NAXD: variants seen among roughly 807,000 people sequenced by gnomAD.
NAXD encodes ATP-dependent (S)-NAD(P)H-hydrate dehydratase.
Under a neutral mutation model 35.8 loss-of-function variants are expected in NAXD, and 22 were observed. The observed-to-expected ratio is 0.62, with a 90% CI of 0.44 to 0.88. The LOEUF (loss-of-function observed/expected upper bound fraction) is 0.88, where lower values mean the gene tolerates loss of function less well. Among genes scored for constraint, NAXD ranks in the 40% least tolerant of loss-of-function variants. NAXD has a pLI of 0.00. For synonymous variants in NAXD, 189 were observed against 177.6 expected (o/e 1.06, Z -0.51); for missense variants, 428 against 437.7 (o/e 0.98, Z 0.20).
chr13:110,632,421 A>G (rs1369889566), intron 5 of NAXD, among the ~76,000 whole-genome samples: 1 of 152,212 alleles, frequency 6.6e-6, no homozygotes, highest in Admixed American at 6.5e-5. Context: ...GCGGGTTACC[A>G]ATGCTGGCTC....
At chr13:110,620,188 C>T (rs1886205659) in intron 1 of NAXD, among the ~76,000 whole-genome samples, 1 of 152,118 alleles carries the variant, frequency 6.6e-6, no homozygotes. Context: ...CATTGGTCCC[C>T]TGCAGGTAGC....
rs745448119 is a variant in NAXD, at chr13:110,634,789, A to AC, written c.597+18dup. On this transcript the variant is annotated intron_variant, in intron 7 of 9. Transcript: ENST00000680254. ...GTATGACGCTGTGGTGAGTCAGTGG[A>AC]CCCCCTGGAGGGTAGATGCAAGCCC... 9 of 1,599,872 alleles carry AC rather than the reference A, an allele frequency of 5.6e-6. No individual in the cohort carries two copies. Among genetic ancestry groups the AC allele is most frequent in the Non-Finnish European group, 7.7e-6 (9 of 1,168,016 alleles).
rs1254469169 is a variant in NAXD at position 110,638,443 on chromosome 13, C to G, written c.905C>G (p.Ala302Gly). 2 of 1,613,546 alleles carry G rather than the reference C, an allele frequency of 1.2e-6. No individual in the cohort carries two copies. Among genetic ancestry groups the G allele is most frequent in the Admixed American group, 1.7e-5 (1 of 60,002 alleles). The stretch of plus-strand genomic sequence containing the variant: ...CTCACCAGGCAGTGCAACCACCAAG[C>G]CTTCCAGAAGCACGGTCGCTCCACC... ...CSLTRQCNHQAFQKHGRSTTT... is the reference protein window; with the variant it reads ...CSLTRQCNHQGFQKHGRSTTT... Residue 302 changes from alanine to glycine, a missense_variant, in exon 10 of 10, where the codon GCC (alanine) becomes GGC (glycine). Ala to Gly is a moderately conservative substitution (Grantham distance 60). Around this residue, in one of 3 missense-constraint regions of NAXD, gnomAD observed 209 missense variants for 214.6 expected, o/e 0.97. Coordinates refer to ENST00000680254, the MANE Select transcript of NAXD (RefSeq NM_001242882.2). This position sits in a 1 kb window ranked among gnomAD's most constrained non-coding sequence, Gnocchi z 5.4.
Position 110,634,777 on chromosome 13 carries a change from G to A in NAXD, c.597+1G>A. On this transcript the variant is annotated splice_donor_variant, in intron 7 of 9. Transcript: ENST00000680254. LOFTEE classifies it high-confidence loss of function. ...GTTCAGCAGACTGTATGACGCTGTG[G>A]TGAGTCAGTGGACCCCCTGGAGGGT... The A allele has an allele frequency of 6.2e-7, 1 of 1,609,432 alleles. No individual in the cohort carries two copies. The highest frequency in any genetic ancestry group is 8.5e-7 in the Non-Finnish European group (1 of 1,176,074).
rs760498841 is a variant in NAXD at position 110,638,666 on chromosome 13, T to C, written c.*138T>C. ...AACTTGAGCATAAATTGGTTGCCAT[T>C]GAGAATTTAAGAATCTGGAATATTG... On this transcript the variant is annotated 3_prime_UTR_variant, in exon 10 of 10. Coordinates refer to ENST00000680254, the MANE Select transcript of NAXD (RefSeq NM_001242882.2). The surrounding 1 kb of genome is among the most constrained non-coding windows in gnomAD (Gnocchi z 5.4). 34 of 1,013,266 alleles carry C rather than the reference T, an allele frequency of 3.4e-5. No individual in the cohort carries two copies. The East Asian group carries it at 8.5e-4, about 25-fold the overall frequency. The allele number at this position is 1,013,266 out of a possible 1,614,324, so 62.8% of individuals were successfully genotyped here. A position where few individuals can be genotyped will look rare whatever the true frequency, so the allele number is the denominator to read the frequency against.
At position 110,634,766 on chromosome 13, in the gene NAXD, A is replaced by G. The variant is rs1449763749; in HGVS notation, c.587A>G (p.Tyr196Cys). The G allele has an allele frequency of 6.2e-7, 1 of 1,613,490 alleles. No individual in the cohort carries two copies. Among genetic ancestry groups the G allele is most frequent in the South Asian group, 1.1e-5 (1 of 91,036 alleles). Residue 196 changes from tyrosine to cysteine, a missense_variant, in exon 7 of 10, where the codon TAT (tyrosine) becomes TGT (cysteine). Coordinates refer to ENST00000680254, the MANE Select transcript of NAXD (RefSeq NM_001242882.2). ...TPNHVEFSRL[Y>C]DAVLRGPMDS... ...AACCACGTGGAGTTCAGCAGACTGT[A>G]TGACGCTGTGGTGAGTCAGTGGACC...
intron 4 of NAXD, among the ~76,000 whole-genome samples, chr13:110,626,374 T>C (rs1478456391): frequency 6.6e-6 from 1 of 152,064 alleles, no homozygotes; most frequent in East Asian, 1.9e-4. Flanking sequence ...TCACTCCATG[T>C]GGTGGAAACG....
At chr13:110,620,319 C>T (rs1208878206) in intron 1 of NAXD, among the ~76,000 whole-genome samples, 1 of 151,852 alleles carries the variant, frequency 6.6e-6, no homozygotes, top group Non-Finnish European at 1.5e-5. Context: ...CGGTGGCTCA[C>T]ACCTGTAATC....
chr13:110,634,452 T>G (rs1886838493), intron 5 of NAXD, 93 bp from the exon 6 acceptor site: 1 of 1,331,514 alleles, frequency 7.5e-7, no homozygotes, highest in African/African-American at 1.4e-5. Flanking sequence ...GACCCTTCCC[T>G]TGGCAATTAA....
rs1237585569 is a variant in NAXD, at chr13:110,638,851, C to T, written c.*323C>T. 6 of 454,142 alleles carry T rather than the reference C, an allele frequency of 1.3e-5. No individual in the cohort carries two copies. The highest frequency in any genetic ancestry group is 8.0e-5 in the African/African-American group (4 of 50,302). The allele number at this position is 454,142 out of a possible 1,614,324, so 28.1% of individuals were successfully genotyped here. On this transcript the variant is annotated 3_prime_UTR_variant, in exon 10 of 10. Transcript: ENST00000680254. This position sits in a 1 kb window ranked among gnomAD's most constrained non-coding sequence, Gnocchi z 5.4. ...TCTTTAGCAGCTCAACAGAGTTTCT[C>T]GGCCTGCTCCCAGATCGGCGAAGTT...
chr13:110,635,366 A>G, intron 7 of NAXD, 102 bp from the exon 8 acceptor site: 1 of 1,392,638 alleles, frequency 7.2e-7, no homozygotes, highest in Non-Finnish European at 9.9e-7. Flanking sequence ...TGATCCCTTT[A>G]GACACGAGAG....
In NAXD at chr13:110,622,360, G is replaced by C; in HGVS notation, c.191G>C (p.Cys64Ser). ...QDGRIGVVGGCQEYTGAPYFA... is the reference protein window; with the variant it reads ...QDGRIGVVGGSQEYTGAPYFA... Reference sequence around the variant, plus strand: ...GGAAGAATAGGCGTAGTTGGAGGCTGTCAGGAGTAAGTAGCTGATGTGCAG... The same window carrying C: ...GGAAGAATAGGCGTAGTTGGAGGCTCTCAGGAGTAAGTAGCTGATGTGCAG... The change falls in exon 2 of 10, where the codon TGT becomes TCT. Residue 64 changes from cysteine (C) to serine (S), a missense_variant. Physicochemically the swap from Cys to Ser is moderately radical, Grantham distance 112. Coordinates refer to ENST00000680254, the MANE Select transcript of NAXD (RefSeq NM_001242882.2). 1 of 1,614,120 alleles carries C rather than the reference G, an allele frequency of 6.2e-7. No individual in the cohort carries two copies. Among genetic ancestry groups the C allele is most frequent in the Non-Finnish European group, 8.5e-7 (1 of 1,179,982 alleles).
intron 2 of NAXD, 32 bp from the exon 3 acceptor site, chr13:110,624,202 G>T: frequency 6.8e-7 from 1 of 1,465,410 alleles, no homozygotes. Flanking sequence ...CTTATTCTCA[G>T]AAGTTTTTGA....
Position 110,627,499 on chromosome 13 carries a change from C to T in NAXD, c.393C>T (p.Val131=), listed in dbSNP as rs757530909. ...GGCTGCCCCGGCTGCATGCTCTTGT[C>T]GTAGGACCTGGCTTGGGTAGAGATG... ...EKWLPRLHAL[V]VGPGLGRDDA... is the part of the protein sequence containing the mutation. The change falls in exon 5 of 10, where the codon GTC becomes GTT. Residue 131 remains valine, a synonymous_variant. Coordinates refer to ENST00000680254, the MANE Select transcript of NAXD (RefSeq NM_001242882.2). 39 of 1,613,960 alleles carry T rather than the reference C, an allele frequency of 2.4e-5. No individual in the cohort carries two copies. Among genetic ancestry groups the T allele is most frequent in the Non-Finnish European group, 3.1e-5 (36 of 1,179,996 alleles).
rs527988471 is a variant in NAXD at position 110,625,225 on chromosome 13, G to T, written c.279G>T (p.Ala93=). 1 of 1,613,954 alleles carries T rather than the reference G, an allele frequency of 6.2e-7. No homozygotes were observed. ...ADLSHVFCAS[A]AAPVIKAYSP... is the part of the protein sequence containing the mutation. Reference sequence around the variant, plus strand: ...TGTCCCACGTGTTCTGTGCCAGTGCGGCCGCACCTGTGATTAAGGCCTACA... The same window carrying T: ...TGTCCCACGTGTTCTGTGCCAGTGCTGCCGCACCTGTGATTAAGGCCTACA... The change falls in exon 4 of 10, where the codon GCG becomes GCT. Residue 93 remains alanine (A), a synonymous_variant. Transcript: ENST00000680254.
chr13:110,623,606 C>CTGCG (rs1200881287), intron 2 of NAXD, among the ~76,000 whole-genome samples: 7 of 152,248 alleles, frequency 4.6e-5, no homozygotes, highest in African/African-American at 7.2e-5. Flanking sequence ...AGGCAGAAGC[C>CTGCG]TGCGGTCAGC....
At chr13:110,630,810 C>T (rs1026924957) in intron 5 of NAXD, among the ~76,000 whole-genome samples, 4 of 152,116 alleles carry the variant, frequency 2.6e-5, no homozygotes, top group Admixed American at 1.3e-4. Flanking sequence ...CCTGACAATC[C>T]GTTGACCCTA....
At chr13:110,616,533 C>G (rs567825540) in intron 1 of NAXD, among the ~76,000 whole-genome samples, 16 of 152,364 alleles carry the variant, frequency 1.1e-4, no homozygotes, top group East Asian at 7.7e-4. Flanking sequence ...TTGGCTGGTC[C>G]TTGCACGCTG....
At chr13:110,637,350 A>G (rs531045384) in intron 9 of NAXD, 101 bp downstream of exon 9, 610 of 1,386,432 alleles carry the variant, frequency 4.4e-4, no homozygotes, top group Non-Finnish European at 5.6e-4. Context: ...AAACACTGAC[A>G]ATGAACTCTA....
Sources: allele counts gnomAD v4.1 joint callset (sites outside exome capture counted in the v4.1 genomes callset), GRCh38; gene constraint gnomAD v4.1.1; regional missense constraint gnomAD v4.1.1; non-coding constraint Gnocchi (gnomAD v3.1); transcripts MANE v1.5; gene names NCBI Gene and HGNC (gene_info 2026-07-23, HGNC 2026-07-21).